Variants in TRIM37 observed in about 807,000 individuals in gnomAD.
TRIM37 encodes tripartite motif containing 37.
In TRIM37, 80 loss-of-function variants were observed where a neutral mutation model predicts 129.8. The observed-to-expected ratio is 0.62, with a 90% confidence interval of 0.51 to 0.74. The LOEUF is 0.74. Among genes scored for constraint, TRIM37 ranks in the 30% least tolerant of loss-of-function variants. The pLI is 0.00. For missense variants in TRIM37, 1,054 were observed against 1,176.5 expected (o/e 0.90, Z 1.52); for synonymous variants, 389 against 387.1 (o/e 1.00, Z -0.06).
rs2033251729 is a variant in TRIM37 at position 58,998,546 on chromosome 17, GAA to G, written c.*829_*830del. 3 of 985,306 alleles carry G rather than the reference GAA, an allele frequency of 3.0e-6. No homozygotes were observed. The African/African-American group carries it at 5.2e-5, about 17-fold the overall frequency. 61.0% of individuals were successfully genotyped at this position (985,306 alleles called of 1,614,324 possible). A position where few individuals can be genotyped will look rare whatever the true frequency, so the allele number is the denominator to read the frequency against. On this transcript the variant is annotated 3_prime_UTR_variant, in exon 24 of 24. Transcript: ENST00000262294. ...ATGTAAGCCACTGTGCAACATGAAT[GAA>G]TCTTTAAATGTGTTGACACTGAAAT...
intron 8 of TRIM37, among the ~76,000 whole-genome samples, chr17:59,074,988 T>C (rs904256062): frequency 3.9e-5 from 6 of 152,114 alleles, no homozygotes; most frequent in African/African-American, 1.4e-4. Context: ...AATTTTAGAG[T>C]AATAATCGCT....
At chr17:59,060,145 A>G (rs962179251) in intron 12 of TRIM37, among the ~76,000 whole-genome samples, 3 of 152,132 alleles carry the variant, frequency 2.0e-5, no homozygotes, top group East Asian at 1.9e-4. Context: ...TCTCAGCACT[A>G]TCCCCTCAAC....
In TRIM37 at chr17:59,051,295, T is replaced by C; in HGVS notation, c.1233A>G (p.Lys411=). Residue 411 remains lysine, a synonymous_variant, in exon 14 of 24, where the codon AAA becomes AAG. Coordinates refer to ENST00000262294, the MANE Select transcript of TRIM37 (RefSeq NM_015294.6). ...TAATGTACCAATGCTGGTCCCGGGA[T>C]TTTTGAAAGAAAGTTGGTGAACGTA... The part of the protein sequence containing the change: ...FQVRSPTFFQ[K]SRDQHWYITQ... The C allele has an allele frequency of 6.2e-7, 1 of 1,613,922 alleles. No individual in the cohort carries two copies. Among genetic ancestry groups the C allele is most frequent in the East Asian group, 2.2e-5 (1 of 44,842 alleles).
At chr17:59,090,782 C>T (rs372068840) in intron 3 of TRIM37, among the ~76,000 whole-genome samples, 1 of 151,886 alleles carries the variant, frequency 6.6e-6, no homozygotes, top group Non-Finnish European at 1.5e-5. Flanking sequence ...CGCGCCACCA[C>T]GCCCAGCTAA....
At chr17:59,044,127 TG>T (rs1661786698) in intron 16 of TRIM37, among the ~76,000 whole-genome samples, 1 of 152,136 alleles carries the variant, frequency 6.6e-6, no homozygotes, top group Non-Finnish European at 1.5e-5. Flanking sequence ...GGCAACATAG[TG>T]AGACCCTGTC....
intron 6 of TRIM37, among the ~76,000 whole-genome samples, chr17:59,080,806 A>G (rs2147042850): frequency 6.6e-6 from 1 of 152,242 alleles, no homozygotes; most frequent in Non-Finnish European, 1.5e-5. Context: ...AAAAGAAAAA[A>G]TAAGTTAATT....
chr17:58,995,097 G>C (rs1034564426), downstream of TRIM37, among the ~76,000 whole-genome samples: 1 of 151,872 alleles, frequency 6.6e-6, no homozygotes, highest in Non-Finnish European at 1.5e-5. Context: ...CACGCAGGCT[G>C]AAGTGCAGTA....
chr17:59,081,244 AAC>A, intron 5 of TRIM37, 25 bp from the exon 6 acceptor site: 2 of 1,608,106 alleles, frequency 1.2e-6, no homozygotes, highest in South Asian at 2.2e-5. Flanking sequence ...GTAGCTTTAG[AAC>A]ACTTTCACAT....
chr17:59,088,315 T>C lies in TRIM37; in HGVS notation c.257A>G (p.Lys86Arg). 1.9e-6 allele frequency: 3 copies of C among 1,612,518 alleles called. No homozygotes were observed. Among genetic ancestry groups the C allele is most frequent in the Non-Finnish European group, 2.5e-6 (3 of 1,178,760 alleles). Reference protein sequence around the residue: ...LDTLQLCSLTKHEENEKDKCE... With the variant: ...LDTLQLCSLTRHEENEKDKCE... Reference sequence around the variant, plus strand: ...CTTGTCCTTTTCATTTTCTTCATGTTTGGTGAGACTGCAGAGTTGAAGAGT... The same window carrying C: ...CTTGTCCTTTTCATTTTCTTCATGTCTGGTGAGACTGCAGAGTTGAAGAGT... Residue 86 changes from lysine (K) to arginine (R), a missense_variant, in exon 4 of 24, where the codon AAA becomes AGA. Lys to Arg is a conservative substitution (Grantham distance 26). Coordinates refer to ENST00000262294, the MANE Select transcript of TRIM37 (RefSeq NM_015294.6).
At position 59,001,626 on chromosome 17, in the gene TRIM37, G is replaced by A; in HGVS notation, c.2784C>T (p.Phe928=). 6.2e-7 allele frequency: 1 copy of A among 1,614,074 alleles called. No individual in the cohort carries two copies. Residue 928 remains phenylalanine (F), a synonymous_variant, in exon 23 of 24, where the codon TTC becomes TTT. Transcript: ENST00000262294. ...HTSVGGFHDS[F]MVMTQPPDED... is the part of the protein sequence containing the mutation. ...CATCCGGGGGCTGTGTCATGACCAT[G>A]AAGGAGTCGTGAAACCCGCCCACAC... is the stretch of plus-strand genomic sequence containing the variant.
chr17:59,052,462 A>G (rs765344545), intron 13 of TRIM37, among the ~76,000 whole-genome samples: 1 of 152,218 alleles, frequency 6.6e-6, no homozygotes, highest in Non-Finnish European at 1.5e-5. Context: ...GTAAGAACCT[A>G]CTGACCATTT....
chr17:59,019,675 T>C (rs1480466505), intron 19 of TRIM37, among the ~76,000 whole-genome samples: 1 of 150,856 alleles, frequency 6.6e-6, no homozygotes, highest in Non-Finnish European at 1.5e-5. Flanking sequence ...GCCACTACGC[T>C]CCAGCCTGGG....
intron 2 of TRIM37, among the ~76,000 whole-genome samples, chr17:59,103,013 C>T (rs1303943850): frequency 6.6e-6 from 1 of 151,980 alleles, no homozygotes; most frequent in African/African-American, 2.4e-5. Context: ...GCTGGGACTA[C>T]AGGAGCATGC....
chr17:59,051,846 T>C (rs1443055029), intron 13 of TRIM37, among the ~76,000 whole-genome samples: 4 of 151,866 alleles, frequency 2.6e-5, no homozygotes, highest in Non-Finnish European at 5.9e-5. Context: ...TTCTCCTGCC[T>C]CAGCCTCCCA....
intron 2 of TRIM37, among the ~76,000 whole-genome samples, chr17:59,093,225 A>G (rs986657603): frequency 4.6e-5 from 7 of 152,158 alleles, no homozygotes; most frequent in African/African-American, 1.7e-4. Flanking sequence ...GAACATTATT[A>G]TTACCTTGGT....
At chr17:59,068,336 A>G (rs142647063) in intron 9 of TRIM37, among the ~76,000 whole-genome samples, 14 of 152,334 alleles carry the variant, frequency 9.2e-5, no homozygotes, top group East Asian at 7.7e-4. Context: ...TACCACCTCT[A>G]AAGATTCTGG....
At chr17:59,027,939 A>G (rs906575012) in intron 19 of TRIM37, among the ~76,000 whole-genome samples, 2 of 152,178 alleles carry the variant, frequency 1.3e-5, no homozygotes, top group Non-Finnish European at 2.9e-5. Flanking sequence ...TACCCAGAAC[A>G]CTGCTTGCCC....
downstream of TRIM37, chr17:58,982,078 G>C (rs574882856): frequency 1.3e-5 from 2 of 152,668 alleles, no homozygotes; most frequent in South Asian, 2.1e-4. Context: ...GAATGAAGGA[G>C]GCTGAAAGTA....
chr17:59,052,853 G>T (rs1391152020), intron 13 of TRIM37, among the ~76,000 whole-genome samples: 2 of 152,052 alleles, frequency 1.3e-5, no homozygotes, highest in Non-Finnish European at 2.9e-5. Context: ...TACTCAGGAG[G>T]CTGAGGCAGG....
Sources: gnomAD v4.1 joint callset for allele counts (sites outside exome capture counted in the v4.1 genomes callset) on GRCh38, gnomAD v4.1.1 for gene constraint, MANE v1.5 for transcripts, NCBI Gene and HGNC (gene_info 2026-07-23, HGNC 2026-07-21) for gene names.